The following ERI1 variants were observed in gnomAD, a reference collection of about 807,000 sequenced individuals.
The protein encoded by ERI1 is 3'-5' exoribonuclease 1.
A neutral mutation model predicts 39.7 loss-of-function variants in ERI1; 39 were observed. The observed-to-expected ratio is 0.98, with a 90% CI of 0.76 to 1.28. The LOEUF is 1.28. Ranked by LOEUF, ERI1 falls within the 50% of genes most tolerant of loss-of-function variation. The probability of loss-of-function intolerance (pLI) is 0.00; values close to 1 mark genes in which losing one functional copy is unlikely to be tolerated. For missense variants in ERI1, 581 were observed against 416.9 expected (o/e 1.39, Z -3.43); for synonymous variants, 204 against 149.6 (o/e 1.36, Z -2.65).
intron 3 of ERI1, among the ~76,000 whole-genome samples, chr8:9,014,097 A>C (rs28481626): frequency 0.019 from 2,909 of 152,234 alleles, 81 homozygotes; most frequent in African/African-American, 0.066. Context: ...GAGTACAACC[A>C]ATATTCCTTA....
At chr8:9,086,130 C>T (rs530986536) in intron 3 of ERI1, among the ~76,000 whole-genome samples, 11 of 152,212 alleles carry the variant, frequency 7.2e-5, no homozygotes, top group Middle Eastern at 3.4e-3. Flanking sequence ...ACAGGGATAG[C>T]GGGCCAGGTG....
At chr8:9,037,379 C>T (rs1185699566), downstream of ERI1, among the ~76,000 whole-genome samples, 2 of 152,158 alleles carry the variant, frequency 1.3e-5, no homozygotes, top group African/African-American at 2.4e-5. Context: ...TGATTTCAGC[C>T]TTCTTCCCAG....
intron 3 of ERI1, among the ~76,000 whole-genome samples, chr8:9,059,374 G>A: frequency 6.6e-6 from 1 of 152,034 alleles, no homozygotes; most frequent in East Asian, 1.9e-4. Context: ...TGTTGGGGTG[G>A]CGAAAATTTT....
At chr8:9,063,646 G>A (rs887918842) in intron 3 of ERI1, among the ~76,000 whole-genome samples, 3 of 152,090 alleles carry the variant, frequency 2.0e-5, no homozygotes, top group Non-Finnish European at 4.4e-5. Context: ...GTTGCATGGG[G>A]AACAGAGACT....
At chr8:9,058,282 G>A (rs1798577887) in intron 3 of ERI1, among the ~76,000 whole-genome samples, 1 of 152,178 alleles carries the variant, frequency 6.6e-6, no homozygotes, top group Admixed American at 6.5e-5. Flanking sequence ...TGAGAGAAAG[G>A]GTGGAGCCAC....
chr8:9,025,902 C>A (rs1013255705), intron 6 of ERI1, among the ~76,000 whole-genome samples: 1 of 152,006 alleles, frequency 6.6e-6, no homozygotes, highest in Non-Finnish European at 1.5e-5. Flanking sequence ...TTCATATATA[C>A]CTCATACACA....
intron 2 of ERI1, 65 bp downstream of exon 2, chr8:9,008,213 C>A: frequency 1.6e-6 from 2 of 1,288,148 alleles, no homozygotes; most frequent in Non-Finnish European, 2.1e-6. Context: ...ATCTTGAAAA[C>A]ATTGAAATAT....
chr8:9,095,257 G>A (rs1004792846), intron 3 of ERI1, among the ~76,000 whole-genome samples: 1 of 152,168 alleles, frequency 6.6e-6, no homozygotes, highest in African/African-American at 2.4e-5. Context: ...ATTGGGTGAT[G>A]CTGGGGTTCT....
intron 1 of ERI1, chr8:9,004,069 C>T (rs1018409548): frequency 7.8e-7 from 1 of 1,289,004 alleles, no homozygotes; most frequent in African/African-American, 1.5e-5. Flanking sequence ...CCCTTTTGTT[C>T]CCAGTGCCCC....
At chr8:9,004,803 T>G (rs924907575) in intron 1 of ERI1, among the ~76,000 whole-genome samples, 2 of 150,812 alleles carry the variant, frequency 1.3e-5, no homozygotes, top group Admixed American at 6.7e-5. Flanking sequence ...TTCTCGTGCC[T>G]CAGCCTCCCT....
chr8:9,034,193 A>T (rs1282692530), downstream of ERI1, among the ~76,000 whole-genome samples: 2 of 152,242 alleles, frequency 1.3e-5, no homozygotes, highest in African/African-American at 4.8e-5. Context: ...CGGATGCCCG[A>T]GGCTTTAAAC....
At chr8:9,028,255 T>C (rs1260008698) in intron 6 of ERI1, among the ~76,000 whole-genome samples, 1 of 152,244 alleles carries the variant, frequency 6.6e-6, no homozygotes, top group East Asian at 1.9e-4. Context: ...TTCCTAGGTA[T>C]AGGTCTATTC....
intron 3 of ERI1, among the ~76,000 whole-genome samples, chr8:9,052,263 T>A (rs1381632497): frequency 6.6e-6 from 1 of 152,226 alleles, no homozygotes; most frequent in African/African-American, 2.4e-5. Context: ...CTCTCTGTGT[T>A]CTATTTCTCT....
At chr8:9,015,905 G>A (rs1817219767) in intron 3 of ERI1, among the ~76,000 whole-genome samples, 4 of 152,076 alleles carry the variant, frequency 2.6e-5, no homozygotes, top group Admixed American at 2.6e-4. Flanking sequence ...GAGTAAATGA[G>A]AGAAAAATAG....
rs1391607664 is a variant in ERI1 at position 9,032,528 on chromosome 8, T to G, written c.*2494T>G. 1 of 152,212 alleles carries G rather than the reference T, an allele frequency of 6.6e-6. No individual in the cohort carries two copies. Among genetic ancestry groups the G allele is most frequent in the African/African-American group, 2.4e-5 (1 of 41,460 alleles). 9.4% of individuals were successfully genotyped at this position (152,212 alleles called of 1,614,324 possible). A position where few individuals can be genotyped will look rare whatever the true frequency, so the allele number is the denominator to read the frequency against. ...TGTGTCTTTGTTGCCTTGAGATAGA[T>G]CCATTTATCCTGCCTCCTAGGGAGA... On this transcript the variant is annotated 3_prime_UTR_variant, in exon 7 of 7. Transcript: ENST00000250263.
intron 2 of ERI1, among the ~76,000 whole-genome samples, chr8:9,010,526 A>G (rs942352373): frequency 2.0e-5 from 3 of 152,228 alleles, no homozygotes; most frequent in African/African-American, 7.2e-5. Flanking sequence ...GATTTTTTTC[A>G]GTGCTTAATT....
intron 3 of ERI1, among the ~76,000 whole-genome samples, chr8:9,081,121 A>G (rs1799352462): frequency 6.6e-6 from 1 of 152,226 alleles, no homozygotes; most frequent in Admixed American, 6.5e-5. Context: ...GACAACTGTC[A>G]TTTATAAAGA....
chr8:9,005,935 G>A (rs903209848), intron 1 of ERI1, among the ~76,000 whole-genome samples: 4 of 152,148 alleles, frequency 2.6e-5, no homozygotes, highest in African/African-American at 9.7e-5. Flanking sequence ...TTGAATACGT[G>A]AATATTGCAA....
intron 3 of ERI1, among the ~76,000 whole-genome samples, chr8:9,071,634 G>A (rs1183844719): frequency 6.6e-6 from 1 of 152,206 alleles, no homozygotes; most frequent in African/African-American, 2.4e-5. Context: ...ATTCTACAGG[G>A]AAACGGGAGA....
Sources: gnomAD v4.1 joint callset for allele counts (sites outside exome capture counted in the v4.1 genomes callset) on GRCh38, gnomAD v4.1.1 for gene constraint, MANE v1.5 for transcripts, NCBI Gene and HGNC (gene_info 2026-07-23, HGNC 2026-07-21) for gene names.